MAP3K20: variants seen among roughly 807,000 people sequenced by gnomAD.
MAP3K20 encodes the protein HCCS-4.
Under a neutral mutation model 85.7 loss-of-function variants are expected in MAP3K20, and 40 were observed. That is an observed-to-expected ratio of 0.47 (90% CI 0.36 to 0.61). The LOEUF is 0.61. Among genes scored for constraint, MAP3K20 ranks in the 20% least tolerant of loss-of-function variants. The pLI is 0.00. For missense variants in MAP3K20, 817 were observed against 961.7 expected, an observed-to-expected ratio of 0.85 and a Z score of 1.99; for synonymous variants, 325 against 327.7, an observed-to-expected ratio of 0.99 and a Z score of 0.09.
chr2:173,092,335 TC>T (rs1687324893), intron 2 of MAP3K20, among the ~76,000 whole-genome samples: 1 of 152,154 alleles, frequency 6.6e-6, no homozygotes, highest in African/African-American at 2.4e-5. Context: ...ACTTTCCCTT[TC>T]CCCCATTTCT....
chr2:173,237,744 T>A (rs1684688442), intron 14 of MAP3K20, among the ~76,000 whole-genome samples: 1 of 152,272 alleles, frequency 6.6e-6, no homozygotes, highest in Non-Finnish European at 1.5e-5. Flanking sequence ...TGTTATGTGC[T>A]GTGCTGCTTT....
chr2:173,226,065 G>C lies in MAP3K20; in HGVS notation c.988-3624G>C, dbSNP rs985982117. 5 of 985,114 alleles carry C rather than the reference G, an allele frequency of 5.1e-6. No homozygotes were observed. In the African/African-American group the frequency reaches 8.7e-5, roughly 17 times the overall value. The allele number at this position is 985,114 out of a possible 1,614,324, so 61.0% of individuals were successfully genotyped here. A position where few individuals can be genotyped will look rare whatever the true frequency, so the allele number is the denominator to read the frequency against. ...GAAAGCCTACAGCTCACTGTTTTTGGTGCTCTGGAAATGTTGAGGGTGGGT... is the reference window on the plus strand; with the variant it reads ...GAAAGCCTACAGCTCACTGTTTTTGCTGCTCTGGAAATGTTGAGGGTGGGT... On this transcript the variant is annotated intron_variant, in intron 11 of 19. Transcript: ENST00000375213.
chr2:173,140,104 C>T (rs546271966), intron 2 of MAP3K20, among the ~76,000 whole-genome samples: 38 of 152,196 alleles, frequency 2.5e-4, no homozygotes, highest in African/African-American at 6.3e-4. Context: ...CTCCGCCTCC[C>T]GGGTTCAAGC....
At chr2:173,085,784 A>ATTTTTTTTTTTTTT (rs61431056) in intron 1 of MAP3K20, among the ~76,000 whole-genome samples, 3 of 73,760 alleles carry the variant, frequency 4.1e-5, no homozygotes, top group Admixed American at 2.1e-4. Flanking sequence ...TGTAAAAGCA[A>ATTTTTTTTTTTTTT]TTTTTTTTTT....
intron 2 of MAP3K20, among the ~76,000 whole-genome samples, 198 bp downstream of exon 2, chr2:173,091,388 A>G (rs900731309): frequency 5.3e-5 from 8 of 151,812 alleles, no homozygotes; most frequent in Non-Finnish European, 7.4e-5. Flanking sequence ...GTTGAGTTCT[A>G]CTAGGGGTCA....
intron 2 of MAP3K20, among the ~76,000 whole-genome samples, chr2:173,114,952 C>A (rs1304013693): frequency 6.6e-6 from 1 of 152,164 alleles, no homozygotes; most frequent in African/African-American, 2.4e-5. Flanking sequence ...ATGTCTAGGT[C>A]TCTAGCAAGG....
intron 1 of MAP3K20, among the ~76,000 whole-genome samples, chr2:173,089,631 G>A (rs1380388582): frequency 6.6e-6 from 1 of 151,432 alleles, no homozygotes; most frequent in Non-Finnish European, 1.5e-5. Flanking sequence ...TGCCCAGGCT[G>A]GAGTGCAGTG....
chr2:173,141,523 T>A (rs1688970939), intron 2 of MAP3K20, among the ~76,000 whole-genome samples: 1 of 151,952 alleles, frequency 6.6e-6, no homozygotes, highest in African/African-American at 2.4e-5. Flanking sequence ...ATTTATCAAA[T>A]CTCAAGACCA....
intron 16 of MAP3K20, among the ~76,000 whole-genome samples, chr2:173,256,661 A>T (rs1369814886): frequency 6.6e-6 from 1 of 152,116 alleles, no homozygotes; most frequent in Non-Finnish European, 1.5e-5. Flanking sequence ...TATACAGCAA[A>T]GTTGAAAGAA....
intron 2 of MAP3K20, among the ~76,000 whole-genome samples, chr2:173,120,848 C>CA (rs748818536): frequency 3.8e-4 from 57 of 151,870 alleles, no homozygotes; most frequent in Non-Finnish European, 6.2e-4. Context: ...GCTGGGACTA[C>CA]AGGTGCGTGC....
intron 11 of MAP3K20, chr2:173,225,039 G>C: frequency 5.1e-6 from 5 of 984,208 alleles, no homozygotes; most frequent in Non-Finnish European, 6.0e-6. Context: ...TCTCAGTTGT[G>C]GGAATAATTA....
intron 2 of MAP3K20, among the ~76,000 whole-genome samples, chr2:173,137,467 A>T (rs1688828911): frequency 6.6e-6 from 1 of 152,074 alleles, no homozygotes; most frequent in African/African-American, 2.4e-5. Context: ...CATCCATTTT[A>T]ATTTAAATGT....
In MAP3K20 at chr2:173,267,606, C is replaced by T. The variant is rs969180748; in HGVS notation, c.*856C>T. ...CCTAGATTTGTGGTTCTTTCTCTTC[C>T]TAAGTTCCCAGCGACTGCTTTCAAA... On this transcript the variant is annotated 3_prime_UTR_variant, in exon 20 of 20. Coordinates refer to ENST00000375213, the MANE Select transcript of MAP3K20 (RefSeq NM_016653.3). 6.6e-6 allele frequency: 1 copy of T among 152,150 alleles called. No individual in the cohort carries two copies. The highest frequency in any genetic ancestry group is 2.4e-5 in the African/African-American group (1 of 41,420). 9.4% of individuals were successfully genotyped at this position (152,150 alleles called of 1,614,324 possible).
chr2:173,101,177 GT>G (rs1306966932), intron 2 of MAP3K20, among the ~76,000 whole-genome samples: 2 of 152,172 alleles, frequency 1.3e-5, no homozygotes, highest in South Asian at 2.1e-4. Context: ...TTCCTACCAT[GT>G]TATGTGAAAT....
At chr2:173,106,722 G>A (rs1354821370) in intron 2 of MAP3K20, among the ~76,000 whole-genome samples, 1 of 152,144 alleles carries the variant, frequency 6.6e-6, no homozygotes. Context: ...TTTAGGCTAA[G>A]TAAGGAGGGA....
intron 14 of MAP3K20, among the ~76,000 whole-genome samples, chr2:173,235,965 G>C (rs1003800016): frequency 1.3e-5 from 2 of 152,102 alleles, no homozygotes; most frequent in African/African-American, 4.8e-5. Flanking sequence ...GATAGAATCG[G>C]TGGTCGAAAG....
chr2:173,177,505 C>T lies in MAP3K20; in HGVS notation c.248-5349C>T, dbSNP rs1438955457. Among the ~76,000 whole-genome samples, 5 of 133,922 alleles carry T rather than the reference C, an allele frequency of 3.7e-5. No individual in the cohort carries two copies. In the East Asian group the frequency reaches 6.7e-4, roughly 18 times the overall value. The allele number at this position is 133,922 out of a possible 152,430, so 87.9% of individuals were successfully genotyped here. A position where few individuals can be genotyped will look rare whatever the true frequency, so the allele number is the denominator to read the frequency against. Reference sequence around the variant, plus strand: ...TGTCACCCAGGCTGGAGTGTAGTGGCGCCATCATCTCGGCTCACTGCAACC... The same window carrying T: ...TGTCACCCAGGCTGGAGTGTAGTGGTGCCATCATCTCGGCTCACTGCAACC... On this transcript the variant is annotated intron_variant, in intron 3 of 19. Coordinates refer to ENST00000375213, the MANE Select transcript of MAP3K20 (RefSeq NM_016653.3).
rs1207953244 is a variant in MAP3K20 at position 173,263,797 on chromosome 2, G to C, written c.1604G>C (p.Ser535Thr). 2 of 1,613,450 alleles carry C rather than the reference G, an allele frequency of 1.2e-6. No individual in the cohort carries two copies. The highest frequency in any genetic ancestry group is 2.7e-5 in the African/African-American group (2 of 74,898). Reference sequence around the variant, plus strand: ...AAACATGTCCATTCGATTCAGTGGAGTAGAACAAAACCTCAGGATGAAGTG... The same window carrying C: ...AAACATGTCCATTCGATTCAGTGGACTAGAACAAAACCTCAGGATGAAGTG... ...STKHVHSIQW[S>T]RTKPQDEVKA... Residue 535 changes from serine to threonine, a missense_variant, in exon 19 of 20, where the codon AGT becomes ACT. This residue lies in a region of MAP3K20 where 454 missense variants were observed against 476.9 expected (regional missense o/e 0.95). Coordinates refer to ENST00000375213, the MANE Select transcript of MAP3K20 (RefSeq NM_016653.3).
At chr2:173,217,297 T>C in intron 11 of MAP3K20, 47 bp downstream of exon 11, 1 of 1,440,414 alleles carries the variant, frequency 6.9e-7, no homozygotes, top group Non-Finnish European at 9.2e-7. Context: ...GGCTCTAGGC[T>C]GCGCAGCTGA....
Sources: gnomAD v4.1 joint callset for allele counts (sites outside exome capture counted in the v4.1 genomes callset) on GRCh38, gnomAD v4.1.1 for gene constraint, gnomAD v4.1.1 regional missense constraint, MANE v1.5 for transcripts, NCBI Gene and HGNC (gene_info 2026-07-23, HGNC 2026-07-21) for gene names.